CNKSR2: variants seen among roughly 807,000 people sequenced by gnomAD.
The protein encoded by CNKSR2 is CNK homolog protein 2.
Under a neutral mutation model 84.4 loss-of-function variants are expected in CNKSR2, and 14 were observed. The observed-to-expected ratio is 0.17, with a 90% CI of 0.11 to 0.26. The LOEUF (loss-of-function observed/expected upper bound fraction) is 0.26, where lower values mean the gene tolerates loss of function less well. CNKSR2 is among the 10% of genes least tolerant of loss of function. The pLI, the probability that CNKSR2 is intolerant of heterozygous loss-of-function variation, is 1.00. For missense variants in CNKSR2, 485 were observed against 771.2 expected, an observed-to-expected ratio of 0.63 and a Z score of 4.40; for synonymous variants, 275 against 277.9, an observed-to-expected ratio of 0.99 and a Z score of 0.10.
At chrX:21,596,134 G>C (rs1249113698) in intron 17 of CNKSR2, among the ~76,000 whole-genome samples, 1 of 111,628 alleles carries the variant, frequency 9.0e-6, no homozygotes, top group South Asian at 3.7e-4. Context: ...ATCATGGTCA[G>C]GAGCATGGAC....
chrX:21,602,590 A>G lies in CNKSR2; in HGVS notation c.2044+1241A>G, dbSNP rs776346989. Among the ~76,000 whole-genome samples the G allele has an allele frequency of 4.5e-5, 5 of 112,098 alleles. No individual in the cohort carries two copies. The East Asian group carries it at 1.4e-3, about 31-fold the overall frequency. ...GTAAATTTTTTCTGTAAAGAACCTA[A>G]TAATATTTTGGGCTTTGCAGGCCAT... On this transcript the variant is annotated intron_variant, in intron 18 of 21. Transcript: ENST00000379510.
At chrX:21,634,438 C>G (rs1197977131) in intron 20 of CNKSR2, among the ~76,000 whole-genome samples, 1 of 111,767 alleles carries the variant, frequency 8.9e-6, no homozygotes, top group Non-Finnish European at 1.9e-5. Flanking sequence ...TCCTTCTTGC[C>G]AGAGTTGCTA....
chrX:21,516,207 A>G (rs1281103684), intron 8 of CNKSR2, among the ~76,000 whole-genome samples: 3 of 111,361 alleles, frequency 2.7e-5, no homozygotes, highest in Non-Finnish European at 5.7e-5. Context: ...ACATAATTTC[A>G]TTACATTCTG....
intron 8 of CNKSR2, among the ~76,000 whole-genome samples, chrX:21,509,178 A>G (rs1157757101): frequency 1.8e-5 from 2 of 112,153 alleles, no homozygotes; most frequent in African/African-American, 6.5e-5. Context: ...AAAAAGATAT[A>G]TGTAAATTCA....
intron 13 of CNKSR2, among the ~76,000 whole-genome samples, chrX:21,571,074 C>T (rs1285263150): frequency 8.9e-6 from 1 of 111,993 alleles, no homozygotes; most frequent in East Asian, 2.8e-4. Flanking sequence ...GCATTGACTT[C>T]TCCTCTCTAG....
chrX:21,402,186 G>T (rs1010157382), intron 1 of CNKSR2, among the ~76,000 whole-genome samples: 2 of 111,095 alleles, frequency 1.8e-5, no homozygotes, highest in Non-Finnish European at 3.8e-5. Flanking sequence ...TAGGTTAGCA[G>T]TACATAACCT....
intron 1 of CNKSR2, among the ~76,000 whole-genome samples, chrX:21,402,609 C>G (rs2090206774): frequency 9.0e-6 from 1 of 110,648 alleles, no homozygotes; most frequent in African/African-American, 3.3e-5. Flanking sequence ...GAGGATAATG[C>G]TAAAATAGTA....
chrX:21,386,546 T>TA (rs1456879245), intron 1 of CNKSR2, among the ~76,000 whole-genome samples: 1 of 112,289 alleles, frequency 8.9e-6, no homozygotes, highest in Non-Finnish European at 1.9e-5. Context: ...TTGAAAGTGA[T>TA]ACACATAATT....
chrX:21,519,936 A>T (rs1472085502), intron 9 of CNKSR2, among the ~76,000 whole-genome samples: 1 of 111,328 alleles, frequency 9.0e-6, no homozygotes, highest in Non-Finnish European at 1.9e-5. Context: ...AAACAACCTT[A>T]TCTATCCTAA....
intron 20 of CNKSR2, among the ~76,000 whole-genome samples, chrX:21,626,050 A>C (rs940438233): frequency 1.8e-5 from 2 of 111,307 alleles, no homozygotes; most frequent in African/African-American, 6.5e-5. Context: ...GGAGAGAAAA[A>C]CATACAAATG....
chrX:21,388,025 G>A (rs746912858), intron 1 of CNKSR2, among the ~76,000 whole-genome samples: 238 of 109,722 alleles, frequency 2.2e-3, no homozygotes, highest in Middle Eastern at 4.7e-3. Context: ...TCAGCCTCTC[G>A]AGTAGCTGGG....
intron 2 of CNKSR2, chrX:21,429,303 T>G (rs1001851102): frequency 8.9e-6 from 1 of 112,017 alleles, no homozygotes; most frequent in African/African-American, 3.2e-5. Context: ...ATTTCATGTA[T>G]AAGTTTTTGT....
intron 3 of CNKSR2, among the ~76,000 whole-genome samples, chrX:21,434,440 T>C (rs910416923): frequency 9.8e-5 from 11 of 111,691 alleles, no homozygotes; most frequent in Admixed American, 8.6e-4. Flanking sequence ...AAAACACATA[T>C]GTGCATGCAC....
At chrX:21,621,379 T>G (rs183982078) in intron 20 of CNKSR2, among the ~76,000 whole-genome samples, 1 of 111,761 alleles carries the variant, frequency 8.9e-6, no homozygotes, top group Admixed American at 9.5e-5. Flanking sequence ...TGTTAAATTT[T>G]TAATGTCTCA....
intron 4 of CNKSR2, among the ~76,000 whole-genome samples, chrX:21,458,499 A>G (rs1274503552): frequency 8.9e-6 from 1 of 112,285 alleles, no homozygotes; most frequent in African/African-American, 3.2e-5. Context: ...GTTCTAGCTT[A>G]TTACTAAAAA....
chrX:21,578,176 C>T (rs1220053428), intron 13 of CNKSR2, among the ~76,000 whole-genome samples: 1 of 111,574 alleles, frequency 9.0e-6, no homozygotes, highest in Non-Finnish European at 1.9e-5. Context: ...CAATCCAAAA[C>T]AACTTGGAAT....
chrX:21,461,385 AT>A (rs763555903), intron 4 of CNKSR2, among the ~76,000 whole-genome samples: 6 of 110,310 alleles, frequency 5.4e-5, no homozygotes, highest in African/African-American at 2.0e-4. Flanking sequence ...AGATTATTAG[AT>A]TTTTTTTTCT....
chrX:21,483,883 A>C (rs1322071299), intron 5 of CNKSR2, among the ~76,000 whole-genome samples: 1 of 111,318 alleles, frequency 9.0e-6, no homozygotes, highest in African/African-American at 3.3e-5. Context: ...GATATTTTAT[A>C]AAAAACAAAG....
intron 1 of CNKSR2, chrX:21,425,738 A>G (rs1380847081): frequency 2.7e-5 from 3 of 111,693 alleles, no homozygotes; most frequent in Non-Finnish European, 5.6e-5. Context: ...GCCACTTCAC[A>G]GGTGATTGAA....
Sources: allele counts gnomAD v4.1 joint callset (sites outside exome capture counted in the v4.1 genomes callset), GRCh38; gene constraint gnomAD v4.1.1; transcripts MANE v1.5; gene names NCBI Gene and HGNC (gene_info 2026-07-23, HGNC 2026-07-21).